FNBP1L: variants seen among roughly 807,000 people sequenced by gnomAD.
FNBP1L encodes the protein formin-binding protein 1-like.
In FNBP1L, 36 loss-of-function variants were observed where a neutral mutation model predicts 91.2. The observed-to-expected ratio is 0.39, with a 90% CI of 0.30 to 0.52. FNBP1L has a LOEUF of 0.52. Among genes scored for constraint, FNBP1L ranks in the 20% least tolerant of loss-of-function variants. FNBP1L has a pLI of 0.66. For missense variants in FNBP1L, 571 were observed against 732.1 expected (o/e 0.78, Z 2.54); for synonymous variants, 242 against 237.0 (o/e 1.02, Z -0.19).
chr1:93,479,725 G>C (rs1357915859), intron 1 of FNBP1L, among the ~76,000 whole-genome samples: 2 of 152,144 alleles, frequency 1.3e-5, no homozygotes, highest in African/African-American at 4.8e-5. Context: ...AGAAAAATAT[G>C]GCTCTATTCT....
rs1570884709 is a variant in FNBP1L, at chr1:93,553,700, G to T, written c.*1284G>T. On this transcript the variant is annotated 3_prime_UTR_variant, in exon 17 of 17. Transcript: ENST00000271234. The stretch of plus-strand genomic sequence containing the variant: ...CTTTTACTTGTAAAATGGAATTTCT[G>T]TATGTTTATACTTGTAAATATGATT... 1 of 152,662 alleles carries T rather than the reference G, an allele frequency of 6.6e-6. No individual in the cohort carries two copies. Among genetic ancestry groups the T allele is most frequent in the East Asian group, 1.9e-4 (1 of 5,184 alleles). The allele number at this position is 152,662 out of a possible 1,614,324, so 9.5% of individuals were successfully genotyped here. A position where few individuals can be genotyped will look rare whatever the true frequency, so the allele number is the denominator to read the frequency against.
Position 93,534,865 on chromosome 1 carries a change from G to A in FNBP1L, c.947G>A (p.Gly316Glu). The change falls in exon 9 of 17, where the codon GGA becomes GAA. Residue 316 changes from glycine to glutamate, a missense_variant. Around this residue, in one of 5 missense-constraint regions of FNBP1L, gnomAD observed 150 missense variants for 155.9 expected, o/e 0.96. Coordinates refer to ENST00000271234, the MANE Select transcript of FNBP1L (RefSeq NM_001164473.3). ...SGKMDAKTTV[G>E]KAKGKLWLFG... ...AAGATGGATGCCAAAACCACAGTAG[G>A]AAAGGCCAAGGGCAAATTGTGGCTC... 1 of 1,579,342 alleles carries A rather than the reference G, an allele frequency of 6.3e-7. No individual in the cohort carries two copies. The highest frequency in any genetic ancestry group is 8.6e-7 in the Non-Finnish European group (1 of 1,161,432).
At chr1:93,456,529 G>A (rs1377669225) in intron 1 of FNBP1L, among the ~76,000 whole-genome samples, 1 of 151,310 alleles carries the variant, frequency 6.6e-6, no homozygotes, top group Non-Finnish European at 1.5e-5. Flanking sequence ...CAGCACTTTG[G>A]GAGACCAGGG....
chr1:93,482,996 C>T (rs528890884), intron 1 of FNBP1L, among the ~76,000 whole-genome samples: 120 of 145,438 alleles, frequency 8.3e-4, no homozygotes, highest in Admixed American at 1.3e-3. Flanking sequence ...CCAGCCTGGA[C>T]GACAGAGCAA....
At chr1:93,518,155 A>G (rs543346780) in intron 2 of FNBP1L, among the ~76,000 whole-genome samples, 2 of 152,164 alleles carry the variant, frequency 1.3e-5, no homozygotes, top group African/African-American at 4.8e-5. Flanking sequence ...TTTTTACTAT[A>G]TATCTCTACT....
intron 15 of FNBP1L, 127 bp downstream of exon 15, chr1:93,549,553 T>G: frequency 1.4e-6 from 1 of 699,858 alleles, no homozygotes; most frequent in Non-Finnish European, 2.2e-6. Context: ...TCCCATTTCT[T>G]TAGTATGCAT....
intron 12 of FNBP1L, among the ~76,000 whole-genome samples, chr1:93,544,634 T>A (rs1211992482): frequency 6.6e-6 from 1 of 152,192 alleles, no homozygotes. Flanking sequence ...CACATAAGTT[T>A]ACTTTTTTAT....
chr1:93,517,992 G>A (rs569881895), intron 2 of FNBP1L, among the ~76,000 whole-genome samples: 2 of 152,266 alleles, frequency 1.3e-5, no homozygotes, highest in African/African-American at 2.4e-5. Flanking sequence ...AAAGAGTTTA[G>A]CATTAAGATT....
At chr1:93,548,537 A>C (rs1325646183) in intron 14 of FNBP1L, among the ~76,000 whole-genome samples, 1 of 152,178 alleles carries the variant, frequency 6.6e-6, no homozygotes, top group Non-Finnish European at 1.5e-5. Flanking sequence ...TCAGTGACAG[A>C]ATGAATACTT....
rs376417068 is a variant in FNBP1L at position 93,511,145 on chromosome 1, T to C, written c.141-10937T>C. Among the ~76,000 whole-genome samples, 20 of 151,966 alleles carry C rather than the reference T, an allele frequency of 1.3e-4. No individual in the cohort carries two copies. The South Asian group carries it at 3.8e-3, about 29-fold the overall frequency. On this transcript the variant is annotated intron_variant, in intron 2 of 16. Transcript: ENST00000271234. Reference sequence around the variant, plus strand: ...TCTCGAGAAGAGCAACTCCAAGACATATAATTGTCAGATTCACCAAAGTTG... The same window carrying C: ...TCTCGAGAAGAGCAACTCCAAGACACATAATTGTCAGATTCACCAAAGTTG...
intron 6 of FNBP1L, among the ~76,000 whole-genome samples, chr1:93,529,985 C>T (rs1455466447): frequency 1.3e-5 from 2 of 152,064 alleles, no homozygotes; most frequent in East Asian, 1.9e-4. Flanking sequence ...AGAGGAAAGA[C>T]GTAGTTGCTA....
chr1:93,534,563 T>C, intron 8 of FNBP1L, 142 bp from the exon 9 acceptor site: 1 of 534,930 alleles, frequency 1.9e-6, no homozygotes, highest in South Asian at 4.1e-5. Flanking sequence ...TTCATGGGAA[T>C]AAATTATTTA....
chr1:93,462,346 T>C (rs544954471), intron 1 of FNBP1L, among the ~76,000 whole-genome samples: 1 of 152,162 alleles, frequency 6.6e-6, no homozygotes, highest in Non-Finnish European at 1.5e-5. Context: ...TAAGCAGATA[T>C]TTATTATTCC....
At chr1:93,481,049 C>A (rs897156070) in intron 1 of FNBP1L, among the ~76,000 whole-genome samples, 2 of 152,104 alleles carry the variant, frequency 1.3e-5, no homozygotes, top group Non-Finnish European at 2.9e-5. Context: ...ATTAATCTTA[C>A]TTGTGTTACC....
rs573561861 is a variant in FNBP1L, at chr1:93,492,233, A to G, written c.25-7235A>G. On this transcript the variant is annotated intron_variant, in intron 1 of 16. Transcript: ENST00000271234. Reference sequence around the variant, plus strand: ...CTTTGAGAATCCTGAAAGAGCTTGAAAAGTGATAAATAGAAAATGAATTCT... The same window carrying G: ...CTTTGAGAATCCTGAAAGAGCTTGAGAAGTGATAAATAGAAAATGAATTCT... Among the ~76,000 whole-genome samples, 4 of 152,328 alleles carry G rather than the reference A, an allele frequency of 2.6e-5. No homozygotes were observed. The South Asian group carries it at 8.3e-4, about 32-fold the overall frequency.
chr1:93,497,749 A>G (rs1379517945), intron 1 of FNBP1L, among the ~76,000 whole-genome samples: 3 of 152,094 alleles, frequency 2.0e-5, no homozygotes, highest in African/African-American at 7.2e-5. Flanking sequence ...CCTCCTGAGT[A>G]GCTGGGACCA....
At chr1:93,455,741 T>G (rs1444614306) in intron 1 of FNBP1L, among the ~76,000 whole-genome samples, 1 of 152,218 alleles carries the variant, frequency 6.6e-6, no homozygotes, top group South Asian at 2.1e-4. Context: ...AATATCACCT[T>G]CTAATTGATG....
chr1:93,506,357 T>TA (rs1670611884), intron 2 of FNBP1L, among the ~76,000 whole-genome samples: 1 of 152,178 alleles, frequency 6.6e-6, no homozygotes, highest in African/African-American at 2.4e-5. Flanking sequence ...TTTTATGTCT[T>TA]AGAGATTCAG....
chr1:93,540,844 CT>C (rs55649797), intron 10 of FNBP1L, among the ~76,000 whole-genome samples, 197 bp from the exon 11 acceptor site: 77,898 of 122,720 alleles, frequency 0.63, 22,369 homozygotes, highest in African/African-American at 0.64. Context: ...TCAATGTATG[CT>C]TTTTTTTTTT....
Sources: allele counts gnomAD v4.1 joint callset (sites outside exome capture counted in the v4.1 genomes callset), GRCh38; gene constraint gnomAD v4.1.1; regional missense constraint gnomAD v4.1.1; transcripts MANE v1.5; gene names NCBI Gene and HGNC (gene_info 2026-07-23, HGNC 2026-07-21).